The following ZNF266 variants were observed in gnomAD, a reference collection of about 807,000 sequenced individuals.
ZNF266 encodes the protein zinc finger protein 266.
In ZNF266, 16 loss-of-function variants were observed where a neutral mutation model predicts 16.4. The ratio of observed to expected loss-of-function variants is 0.98; its 90% confidence interval spans 0.66 to 1.48. The LOEUF (loss-of-function observed/expected upper bound fraction) is 1.48, where lower values mean the gene tolerates loss of function less well. Among genes scored for constraint, ZNF266 ranks in the 40% most tolerant of loss-of-function variants. ZNF266 has a pLI of 0.00. For synonymous variants in ZNF266, 262 were observed against 237.9 expected (o/e 1.10, Z -0.93); for missense variants, 738 against 689.1 (o/e 1.07, Z -0.79).
Position 9,413,296 on chromosome 19 carries a change from C to T in ZNF266, c.1830G>A (p.Ala610=), listed in dbSNP as rs778203680. Residue 610 remains alanine (A), a synonymous_variant, in exon 11 of 11, where the codon GCG becomes GCA. Transcript: ENST00000592904. ...SSFRNHERRH[A]DERLSA ...TTCCTTATGCTGACAGTCTCTCATC[C>T]GCATGCCTTCTTTCATGATTTCGAA... 1.1e-5 allele frequency: 18 copies of T among 1,595,738 alleles called. No homozygotes were observed. The East Asian group carries it at 1.3e-4, about 12-fold the overall frequency.
chr19:9,424,876 T>C (rs2070499780), intron 5 of ZNF266, among the ~76,000 whole-genome samples: 1 of 152,174 alleles, frequency 6.6e-6, no homozygotes, highest in African/African-American at 2.4e-5. Context: ...TCTTCTTAGG[T>C]AGGAATATAG....
intron 5 of ZNF266, among the ~76,000 whole-genome samples, chr19:9,422,070 C>T (rs1274810913): frequency 6.6e-6 from 1 of 152,170 alleles, no homozygotes; most frequent in African/African-American, 2.4e-5. Flanking sequence ...CCAGGATGGT[C>T]TCGATCTCCT....
intron 5 of ZNF266, among the ~76,000 whole-genome samples, chr19:9,423,668 C>T (rs1180830298): frequency 6.6e-6 from 1 of 152,164 alleles, no homozygotes; most frequent in Non-Finnish European, 1.5e-5. Context: ...TTCCATGGTA[C>T]TGTCTCCCCA....
chr19:9,424,220 C>CAAAAAAA (rs55740067), intron 5 of ZNF266, among the ~76,000 whole-genome samples: 43 of 121,536 alleles, frequency 3.5e-4, no homozygotes, highest in East Asian at 8.1e-4. Context: ...AACCAAGAGG[C>CAAAAAAA]AAAAAAAAAA....
chr19:9,416,364 T>A (rs2068991192), intron 9 of ZNF266, among the ~76,000 whole-genome samples: 1 of 129,250 alleles, frequency 7.7e-6, no homozygotes, highest in Non-Finnish European at 1.6e-5. Context: ...TTTTGTTTTT[T>A]GTTTTTTTTT....
intron 5 of ZNF266, among the ~76,000 whole-genome samples, chr19:9,428,785 T>C (rs1195226829): frequency 6.6e-6 from 1 of 150,594 alleles, no homozygotes; most frequent in Non-Finnish European, 1.5e-5. Context: ...CAAAATCCCA[T>C]ACCTCTCCAA....
chr19:9,425,535 G>A (rs2070616903), intron 5 of ZNF266, among the ~76,000 whole-genome samples: 1 of 152,180 alleles, frequency 6.6e-6, no homozygotes, highest in African/African-American at 2.4e-5. Flanking sequence ...CAGGGTGTGT[G>A]GTCACAACCT....
intron 5 of ZNF266, among the ~76,000 whole-genome samples, chr19:9,424,163 G>A (rs964007850): frequency 6.0e-5 from 9 of 150,614 alleles, no homozygotes; most frequent in Admixed American, 3.3e-4. Flanking sequence ...CTAATGCATT[G>A]GAACAGGAGA....
intron 5 of ZNF266, among the ~76,000 whole-genome samples, chr19:9,428,887 T>A (rs1201502712): frequency 7.3e-6 from 1 of 136,230 alleles, no homozygotes; most frequent in African/African-American, 2.8e-5. Flanking sequence ...TATATTTCAC[T>A]TCTTTTTTGT....
rs762052983 is a variant in ZNF266 at position 9,413,477 on chromosome 19, A to AT, written c.1648dup (p.Met550AsnfsTer13). 1.9e-5 allele frequency: 30 copies of AT among 1,612,414 alleles called. No homozygotes were observed. In the South Asian group the frequency reaches 2.9e-4, roughly 15 times the overall value. On this transcript the variant is annotated frameshift_variant, in exon 11 of 11. Transcript: ENST00000592904. LOFTEE classifies it low-confidence loss of function (END_TRUNC). ...GGGTTTTTCTCCAGTGTGGATCCGC[A>AT]TGTGAAGGTTAACACACGTGGGAAA...
At chr19:9,427,288 T>C (rs1166565102) in intron 5 of ZNF266, among the ~76,000 whole-genome samples, 2 of 152,088 alleles carry the variant, frequency 1.3e-5, no homozygotes, top group African/African-American at 4.8e-5. Context: ...CAATAACTAT[T>C]GTGCTTTTAA....
chr19:9,414,174 T>G lies in ZNF266; in HGVS notation c.952A>C (p.Arg318=), dbSNP rs145489134. The G allele has an allele frequency of 1.5e-4, 244 of 1,613,308 alleles. 1 individual carries two copies. In the African/African-American group the frequency reaches 2.8e-3, roughly 19 times the overall value. Residue 318 remains arginine, a synonymous_variant, in exon 11 of 11, where the codon AGG becomes CGG. Coordinates refer to ENST00000592904, the MANE Select transcript of ZNF266 (RefSeq NM_001370374.1). The part of the protein sequence containing the change: ...ECKECGKAFT[R]SCQLTQHRKT... The stretch of plus-strand genomic sequence containing the variant: ...CTGTGCTGAGTAAGTTGACAAGACC[T>G]GGTGAAGGCTTTCCCACACTCCTTA...
chr19:9,414,108 A>C lies in ZNF266; in HGVS notation c.1018T>G (p.Cys340Gly). The change falls in exon 11 of 11, where the codon TGT becomes GGT. Residue 340 changes from cysteine to glycine, a missense_variant. Coordinates refer to ENST00000592904, the MANE Select transcript of ZNF266 (RefSeq NM_001370374.1). ...TGEKPYKCKD[C>G]GRAFTVSSCL... ...GAGGAAACAGTGAAGGCTCTCCCAC[A>C]ATCCTTACATTTATAAGGTTTCTCT... 1 of 1,614,056 alleles carries C rather than the reference A, an allele frequency of 6.2e-7. No individual in the cohort carries two copies. The highest frequency in any genetic ancestry group is 8.5e-7 in the Non-Finnish European group (1 of 1,180,012).
intron 5 of ZNF266, among the ~76,000 whole-genome samples, chr19:9,430,001 ACCCCACCC>A (rs1199475869): frequency 7.8e-6 from 1 of 128,862 alleles, no homozygotes; most frequent in East Asian, 2.7e-4. Flanking sequence ...CCCTCCTCCT[ACCCCACCC>A]CCCCACCCAG....
At chr19:9,430,777 C>T (rs1332513791) in intron 5 of ZNF266, among the ~76,000 whole-genome samples, 1 of 152,104 alleles carries the variant, frequency 6.6e-6, no homozygotes, top group Non-Finnish European at 1.5e-5. Context: ...ATCAGTTCTC[C>T]CCACTGCTCA....
rs933102736 is a variant in ZNF266, at chr19:9,412,614, T to G, written c.*661A>C. The G allele has an allele frequency of 2.6e-5, 4 of 152,192 alleles. No individual in the cohort carries two copies. Among genetic ancestry groups the G allele is most frequent in the Non-Finnish European group, 4.4e-5 (3 of 68,058 alleles). The allele number at this position is 152,192 out of a possible 1,614,324, so 9.4% of individuals were successfully genotyped here. On this transcript the variant is annotated 3_prime_UTR_variant, in exon 11 of 11. Transcript: ENST00000592904. Reference sequence around the variant, plus strand: ...ACTGAATGATTTAACCAAGAGAAATTTATTGCCTCACAGTTCTGGAGCCTG... The same window carrying G: ...ACTGAATGATTTAACCAAGAGAAATGTATTGCCTCACAGTTCTGGAGCCTG...
chr19:9,417,606 A>C (rs1324454074), intron 9 of ZNF266, among the ~76,000 whole-genome samples: 1 of 152,110 alleles, frequency 6.6e-6, no homozygotes, highest in East Asian at 1.9e-4. Context: ...GTGAGCCTGT[A>C]ATCCCAGCTA....
intron 9 of ZNF266, among the ~76,000 whole-genome samples, chr19:9,416,828 C>T (rs938903920): frequency 3.3e-5 from 5 of 151,156 alleles, no homozygotes; most frequent in Admixed American, 1.3e-4. Flanking sequence ...TGCGCCACCA[C>T]GCCCAGCTAA....
intron 5 of ZNF266, 67 bp downstream of exon 5, chr19:9,433,601 T>C (rs542579701): frequency 2.0e-4 from 30 of 152,294 alleles, no homozygotes; most frequent in African/African-American, 7.0e-4. Context: ...CTTATTCATG[T>C]AATTAAAACA....
Sources: allele counts gnomAD v4.1 joint callset (sites outside exome capture counted in the v4.1 genomes callset), GRCh38; gene constraint gnomAD v4.1.1; transcripts MANE v1.5; gene names NCBI Gene and HGNC (gene_info 2026-07-23, HGNC 2026-07-21).